The following UNC5C variants were observed in gnomAD, a reference collection of about 807,000 sequenced individuals.
UNC5C encodes unc-5 netrin receptor C.
Under a neutral mutation model 99.8 loss-of-function variants are expected in UNC5C, and 47 were observed. The ratio of observed to expected loss-of-function variants is 0.47; its 90% confidence interval spans 0.37 to 0.60. UNC5C has a LOEUF of 0.60. Ranked by LOEUF, UNC5C falls within the 20% of genes least tolerant of loss-of-function variation. The pLI, the probability that UNC5C is intolerant of heterozygous loss-of-function variation, is 0.00. For missense variants in UNC5C, 1,062 were observed against 1,165.9 expected, an observed-to-expected ratio of 0.91 and a Z score of 1.30; for synonymous variants, 487 against 452.2, an observed-to-expected ratio of 1.08 and a Z score of -0.98.
intron 2 of UNC5C, among the ~76,000 whole-genome samples, chr4:95,319,886 G>A (rs1436077127): frequency 5.9e-5 from 9 of 152,062 alleles, no homozygotes; most frequent in African/African-American, 2.2e-4. Flanking sequence ...AGATTTAGTG[G>A]TACAGAAACA....
At chr4:95,454,374 C>G (rs966480998) in intron 1 of UNC5C, among the ~76,000 whole-genome samples, 3 of 151,950 alleles carry the variant, frequency 2.0e-5, no homozygotes, top group African/African-American at 7.2e-5. Flanking sequence ...CAGCAAGAAA[C>G]TTTTGATTTA....
chr4:95,548,421 G>A (rs1723133805), intron 1 of UNC5C, among the ~76,000 whole-genome samples: 1 of 151,866 alleles, frequency 6.6e-6, no homozygotes. Context: ...CAACGTGCGC[G>A]TGCGGAGCTG....
chr4:95,521,069 T>C (rs1722341625), intron 1 of UNC5C, among the ~76,000 whole-genome samples: 1 of 152,152 alleles, frequency 6.6e-6, no homozygotes, highest in Admixed American at 6.5e-5. Context: ...CATTTATTTT[T>C]TATGGTTCTG....
At chr4:95,405,122 T>A (rs777863827) in intron 1 of UNC5C, among the ~76,000 whole-genome samples, 1 of 152,194 alleles carries the variant, frequency 6.6e-6, no homozygotes, top group Non-Finnish European at 1.5e-5. Context: ...AAGCATCATA[T>A]TGGCCCTCTG....
At chr4:95,495,290 C>CT (rs1177242359) in intron 1 of UNC5C, among the ~76,000 whole-genome samples, 6 of 151,490 alleles carry the variant, frequency 4.0e-5, no homozygotes, top group African/African-American at 1.5e-4. Context: ...ACTTGTAACT[C>CT]TGTCAGTTTT....
At chr4:95,313,460 G>A (rs1471685374) in intron 2 of UNC5C, among the ~76,000 whole-genome samples, 4 of 151,864 alleles carry the variant, frequency 2.6e-5, no homozygotes, top group Non-Finnish European at 4.4e-5. Flanking sequence ...TCAGATCTTC[G>A]ATCTTACATC....
intron 14 of UNC5C, among the ~76,000 whole-genome samples, chr4:95,173,732 G>T (rs1299478085): frequency 6.6e-6 from 1 of 152,254 alleles, no homozygotes; most frequent in South Asian, 2.1e-4. Flanking sequence ...CCAGCCTTTG[G>T]TATCAGGATG....
chr4:95,324,782 G>C (rs1742828306), intron 2 of UNC5C, among the ~76,000 whole-genome samples: 1 of 152,148 alleles, frequency 6.6e-6, no homozygotes, highest in Non-Finnish European at 1.5e-5. Flanking sequence ...GACACAGCAA[G>C]AAGGCACCAT....
At chr4:95,280,268 A>C (rs1023117111) in intron 3 of UNC5C, among the ~76,000 whole-genome samples, 1 of 152,226 alleles carries the variant, frequency 6.6e-6, no homozygotes, top group East Asian at 1.9e-4. Context: ...TCAAGATTAT[A>C]AAGGTTGTGA....
At chr4:95,396,948 A>T (rs747608803) in intron 1 of UNC5C, among the ~76,000 whole-genome samples, 4 of 150,430 alleles carry the variant, frequency 2.7e-5, no homozygotes, top group African/African-American at 7.5e-5. Context: ...AAGCTTAAGC[A>T]TATCAACATT....
intron 1 of UNC5C, among the ~76,000 whole-genome samples, chr4:95,480,536 C>A (rs1560849781): frequency 6.6e-6 from 1 of 151,726 alleles, no homozygotes; most frequent in Admixed American, 6.6e-5. Context: ...ACTTATTACA[C>A]CTCAGATAAA....
At position 95,219,073 on chromosome 4, in the gene UNC5C, G is replaced by T. The variant is rs765247673; in HGVS notation, c.1541C>A (p.Ala514Asp). ...QMTQSLLENE[A>D]LSLKNQSLAR... ...TAGACTCTGGTTCTTCAGGCTGAGGGCTTCATTCTCCAACAACGACTGGGT... is the reference window on the plus strand; with the variant it reads ...TAGACTCTGGTTCTTCAGGCTGAGGTCTTCATTCTCCAACAACGACTGGGT... Residue 514 changes from alanine (A) to aspartate (D), a missense_variant, in exon 9 of 16, where the codon GCC becomes GAC. Ala to Asp is a moderately radical substitution (Grantham distance 126). This residue lies in a region of UNC5C where 810 missense variants were observed against 854.5 expected (regional missense o/e 0.95). Transcript: ENST00000453304. 6.2e-7 allele frequency: 1 copy of T among 1,614,128 alleles called. No homozygotes were observed. Among genetic ancestry groups the T allele is most frequent in the South Asian group, 1.1e-5 (1 of 91,084 alleles).
At chr4:95,347,396 T>C (rs1024641873) in intron 1 of UNC5C, among the ~76,000 whole-genome samples, 11 of 151,620 alleles carry the variant, frequency 7.3e-5, no homozygotes, top group African/African-American at 2.7e-4. Context: ...TTCACAGAAA[T>C]AGAAAAAAAA....
chr4:95,445,896 T>C (rs568733750), intron 1 of UNC5C, among the ~76,000 whole-genome samples: 4 of 152,152 alleles, frequency 2.6e-5, no homozygotes, highest in African/African-American at 9.6e-5. Flanking sequence ...CCTGTTATTA[T>C]TAAGATAGCA....
At chr4:95,195,851 G>T (rs1214436128) in intron 12 of UNC5C, among the ~76,000 whole-genome samples, 3 of 151,418 alleles carry the variant, frequency 2.0e-5, no homozygotes, top group Non-Finnish European at 2.9e-5. Flanking sequence ...TTGGGATTAG[G>T]GCACATGAAA....
chr4:95,364,995 G>C (rs1399046143), intron 1 of UNC5C, among the ~76,000 whole-genome samples: 7 of 151,442 alleles, frequency 4.6e-5, no homozygotes, highest in Admixed American at 4.6e-4. Context: ...TTATTTACAT[G>C]TAAAAAATAA....
In UNC5C at chr4:95,277,796, G is replaced by T. The variant is rs534635499; in HGVS notation, c.594+463C>A. On this transcript the variant is annotated intron_variant, in intron 4 of 15. Coordinates refer to ENST00000453304, the MANE Select transcript of UNC5C (RefSeq NM_003728.4). ...TAAAATGTGTTTTTATGCAAGGTGT[G>T]TGGGCATGGCTTTTAGGTATGTCTA... is the stretch of plus-strand genomic sequence containing the variant. Among the ~76,000 whole-genome samples, 27 of 152,288 alleles carry T rather than the reference G, an allele frequency of 1.8e-4. 1 individual carries two copies. The highest frequency in any genetic ancestry group is 5.5e-4 in the African/African-American group (23 of 41,560).
chr4:95,448,922 T>C (rs1227323294), intron 1 of UNC5C, among the ~76,000 whole-genome samples: 1 of 152,178 alleles, frequency 6.6e-6, no homozygotes, highest in East Asian at 1.9e-4. Context: ...GTGCCCCTTT[T>C]CTTTGGGGAC....
At chr4:95,214,565 G>T (rs1040724810) in intron 10 of UNC5C, among the ~76,000 whole-genome samples, 1 of 152,226 alleles carries the variant, frequency 6.6e-6, no homozygotes, top group Non-Finnish European at 1.5e-5. Flanking sequence ...GAGCAGGCAC[G>T]TGAGTGCACA....
Sources: allele counts gnomAD v4.1 joint callset (sites outside exome capture counted in the v4.1 genomes callset), GRCh38; gene constraint gnomAD v4.1.1; regional missense constraint gnomAD v4.1.1; transcripts MANE v1.5; gene names NCBI Gene and HGNC (gene_info 2026-07-23, HGNC 2026-07-21).